The following NLGN4X variants were observed in gnomAD, a reference collection of about 807,000 sequenced individuals.
NLGN4X encodes neuroligin-4, X-linked.
NLGN4X carries 3 observed loss-of-function variants against 40.3 expected under a neutral mutation model. The observed-to-expected ratio is 0.07, with a 90% CI of 0.03 to 0.19. NLGN4X has a LOEUF of 0.19. Ranked by LOEUF, NLGN4X falls within the 10% of genes least tolerant of loss-of-function variation. The pLI is 1.00. For synonymous variants in NLGN4X, 270 were observed against 306.8 expected, an observed-to-expected ratio of 0.88 and a Z score of 1.25; for missense variants, 382 against 708.3, an observed-to-expected ratio of 0.54 and a Z score of 5.23.
At chrX:6,113,702 A>AG (rs1022831947) in intron 2 of NLGN4X, among the ~76,000 whole-genome samples, 5 of 110,730 alleles carry the variant, frequency 4.5e-5, no homozygotes, top group Admixed American at 1.9e-4. Context: ...TTCAAAAAAA[A>AG]AAAAAAATGC....
At chrX:6,174,099 T>G (rs916808254) in intron 1 of NLGN4X, among the ~76,000 whole-genome samples, 3 of 110,926 alleles carry the variant, frequency 2.7e-5, no homozygotes, top group Admixed American at 9.6e-5. Flanking sequence ...AAAAAAAAAC[T>G]GTGCCTAGAA....
chrX:5,996,251 TCTCAGC>T, intron 3 of NLGN4X, among the ~76,000 whole-genome samples: 1 of 112,407 alleles, frequency 8.9e-6, no homozygotes, highest in South Asian at 3.7e-4. Context: ...CTTTGCAGAA[TCTCAGC>T]CTGCCAGCCT....
In NLGN4X at chrX:5,917,118, C is replaced by T. The variant is rs2032837766; in HGVS notation, c.626-7879G>A. On this transcript the variant is annotated intron_variant, in intron 3 of 5. Coordinates refer to ENST00000381095, the MANE Select transcript of NLGN4X (RefSeq NM_181332.3). ...TATATAAAATCCCCAAGATCTAGGG[C>T]GCCCTCTGCAGGGCTGCTGGGCGAC... Among the ~76,000 whole-genome samples, 4 of 112,481 alleles carry T rather than the reference C, an allele frequency of 3.6e-5. No individual in the cohort carries two copies. The Admixed American group carries it at 3.8e-4, about 11-fold the overall frequency.
chrX:5,975,203 C>T (rs376314409), intron 3 of NLGN4X, among the ~76,000 whole-genome samples: 1 of 112,038 alleles, frequency 8.9e-6, no homozygotes, highest in African/African-American at 3.2e-5. Context: ...TGAGGACAAA[C>T]GAGTAGTACT....
At chrX:6,133,593 C>T (rs2039735969) in intron 2 of NLGN4X, among the ~76,000 whole-genome samples, 1 of 111,464 alleles carries the variant, frequency 9.0e-6, no homozygotes, top group African/African-American at 3.3e-5. Flanking sequence ...TGAATATGTA[C>T]ATATATAAAA....
At chrX:6,091,084 G>A (rs2038628965) in intron 2 of NLGN4X, among the ~76,000 whole-genome samples, 1 of 110,272 alleles carries the variant, frequency 9.1e-6, no homozygotes, top group Non-Finnish European at 1.9e-5. Flanking sequence ...AACAGTGGTA[G>A]AGAGGGAGGA....
chrX:5,909,630 G>T (rs1283389617), intron 3 of NLGN4X, among the ~76,000 whole-genome samples: 1 of 100,605 alleles, frequency 9.9e-6, no homozygotes, highest in Admixed American at 1.1e-4. Context: ...ATTTTTCAGG[G>T]AAAACAGTAC....
intron 2 of NLGN4X, among the ~76,000 whole-genome samples, chrX:6,102,643 T>TACATAC (rs2038938314): frequency 8.6e-5 from 9 of 104,412 alleles, no homozygotes; most frequent in Admixed American, 2.1e-4. Context: ...TTGATAGATA[T>TACATAC]ATACATACAT....
At chrX:6,226,006 C>G (rs372812728) in intron 1 of NLGN4X, among the ~76,000 whole-genome samples, 19 of 106,501 alleles carry the variant, frequency 1.8e-4, no homozygotes, top group African/African-American at 6.1e-4. Flanking sequence ...GTTCCAAAAC[C>G]CCCACCCAAC....
At chrX:6,048,972 T>C (rs1168771523) in intron 2 of NLGN4X, among the ~76,000 whole-genome samples, 1 of 107,194 alleles carries the variant, frequency 9.3e-6, no homozygotes, top group Non-Finnish European at 1.9e-5. Context: ...CACACCTGCA[T>C]GTCCTGCACA....
At chrX:5,898,880 A>G (rs765480052) in intron 5 of NLGN4X, among the ~76,000 whole-genome samples, 2 of 111,958 alleles carry the variant, frequency 1.8e-5, no homozygotes, top group South Asian at 7.5e-4. Flanking sequence ...AGTTTGGTTC[A>G]TTCTCTGCAC....
At chrX:6,194,828 A>G (rs892310452) in intron 1 of NLGN4X, among the ~76,000 whole-genome samples, 1 of 111,634 alleles carries the variant, frequency 9.0e-6, no homozygotes, top group African/African-American at 3.3e-5. Context: ...CTTATTTTAC[A>G]TTGGGAAAAA....
chrX:5,894,191 G>T (rs1481844239), intron 5 of NLGN4X, among the ~76,000 whole-genome samples: 1 of 112,027 alleles, frequency 8.9e-6, no homozygotes, highest in African/African-American at 3.3e-5. Flanking sequence ...CCACAGCAAA[G>T]AAGTTATCTG....
At chrX:6,091,497 G>A (rs759560140) in intron 2 of NLGN4X, among the ~76,000 whole-genome samples, 37 of 111,183 alleles carry the variant, frequency 3.3e-4, no homozygotes, top group Non-Finnish European at 6.2e-4. Flanking sequence ...TTCTAAAAGC[G>A]TCCTTTCCTT....
chrX:6,215,288 C>T (rs933018786), intron 1 of NLGN4X, among the ~76,000 whole-genome samples: 3 of 110,409 alleles, frequency 2.7e-5, no homozygotes, highest in Middle Eastern at 4.6e-3. Context: ...TGGTGGCTCA[C>T]GCCTGTAATC....
chrX:5,926,960 C>A (rs992690768), intron 3 of NLGN4X, among the ~76,000 whole-genome samples: 2 of 109,249 alleles, frequency 1.8e-5, no homozygotes, highest in Non-Finnish European at 3.8e-5. Flanking sequence ...ATCTATCTAT[C>A]TATCTATCTA....
chrX:6,137,498 A>G (rs2039846594), intron 2 of NLGN4X, among the ~76,000 whole-genome samples: 1 of 111,832 alleles, frequency 8.9e-6, no homozygotes, highest in Non-Finnish European at 1.9e-5. Context: ...AAACTTTACT[A>G]CCTATGACGT....
chrX:6,187,322 C>CAAAAAAAA (rs74706267), intron 1 of NLGN4X, among the ~76,000 whole-genome samples: 1 of 64,878 alleles, frequency 1.5e-5, no homozygotes, highest in Non-Finnish European at 2.9e-5. Flanking sequence ...ACTAAAAATA[C>CAAAAAAAA]AAAAAAAAAA....
At chrX:6,119,682 A>T (rs913621469) in intron 2 of NLGN4X, among the ~76,000 whole-genome samples, 2 of 111,222 alleles carry the variant, frequency 1.8e-5, no homozygotes. Context: ...CATGTTCCCA[A>T]ATCTTTTCAA....
Sources: allele counts gnomAD v4.1 joint callset (sites outside exome capture counted in the v4.1 genomes callset), GRCh38; gene constraint gnomAD v4.1.1; transcripts MANE v1.5; gene names NCBI Gene and HGNC (gene_info 2026-07-23, HGNC 2026-07-21).